The following DNM3 variants were observed in gnomAD, a reference collection of about 807,000 sequenced individuals.
DNM3 encodes the protein dynamin-3.
Under a neutral mutation model 101.6 loss-of-function variants are expected in DNM3, and 47 were observed. That is an observed-to-expected ratio of 0.46 (90% CI 0.37 to 0.59). The LOEUF (loss-of-function observed/expected upper bound fraction) is 0.59. DNM3 is among the 20% of genes least tolerant of loss of function. DNM3 has a pLI of 0.00. For missense variants in DNM3, 849 were observed against 1,085.7 expected, an observed-to-expected ratio of 0.78 and a Z score of 3.06; for synonymous variants, 385 against 387.9, an observed-to-expected ratio of 0.99 and a Z score of 0.09.
chr1:172,055,815 A>T (rs1370635012), intron 10 of DNM3, among the ~76,000 whole-genome samples: 1 of 152,178 alleles, frequency 6.6e-6, no homozygotes, highest in African/African-American at 2.4e-5. Context: ...CACTGTATGA[A>T]AATACTTGCA....
intron 17 of DNM3, chr1:172,366,741 C>A (rs183465528): frequency 6.6e-6 from 1 of 151,458 alleles, no homozygotes; most frequent in African/African-American, 2.4e-5. Flanking sequence ...ATAAAAAATA[C>A]AATTGAGAGA....
intron 14 of DNM3, among the ~76,000 whole-genome samples, chr1:172,202,938 T>C (rs74865866): frequency 5.0e-4 from 76 of 152,248 alleles, no homozygotes; most frequent in Middle Eastern, 3.4e-3. Context: ...AAGGAAGTAT[T>C]ACTAGAATTA....
At chr1:171,850,763 CTTTG>C (rs905238366) in intron 1 of DNM3, among the ~76,000 whole-genome samples, 1 of 146,224 alleles carries the variant, frequency 6.8e-6, no homozygotes, top group Non-Finnish European at 1.5e-5. Context: ...TCTCTTAGGG[CTTTG>C]TTTTTTTTTT....
intron 17 of DNM3, among the ~76,000 whole-genome samples, chr1:172,365,956 A>G (rs1037077345): frequency 4.6e-5 from 7 of 151,996 alleles, no homozygotes; most frequent in Admixed American, 3.9e-4. Context: ...AGTGCCAGAT[A>G]AAGTGGCTAA....
downstream of DNM3, among the ~76,000 whole-genome samples, chr1:172,413,461 T>A (rs1014690457): frequency 1.3e-5 from 2 of 152,176 alleles, no homozygotes; most frequent in Non-Finnish European, 2.9e-5. Context: ...TCTCTTGACC[T>A]CGTGATCTGC....
At chr1:172,038,638 T>C (rs149807100) in intron 7 of DNM3, among the ~76,000 whole-genome samples, 177 bp downstream of exon 7, 1 of 152,312 alleles carries the variant, frequency 6.6e-6, no homozygotes, top group East Asian at 1.9e-4. Context: ...ATTATTGGTA[T>C]TATTCTGTTA....
intron 1 of DNM3, among the ~76,000 whole-genome samples, chr1:171,901,312 A>AGAC (rs1438412643): frequency 6.6e-6 from 1 of 152,096 alleles, no homozygotes; most frequent in African/African-American, 2.4e-5. Flanking sequence ...TCCCGAAAGA[A>AGAC]GACAGCACGG....
chr1:172,291,946 A>G (rs902329552), intron 15 of DNM3, among the ~76,000 whole-genome samples: 1 of 152,236 alleles, frequency 6.6e-6, no homozygotes, highest in Non-Finnish European at 1.5e-5. Flanking sequence ...GGATTCAGAC[A>G]TCTGAGCAAA....
intron 14 of DNM3, among the ~76,000 whole-genome samples, chr1:172,184,910 AC>A (rs1208356902): frequency 2.6e-5 from 4 of 152,096 alleles, no homozygotes; most frequent in African/African-American, 9.7e-5. Context: ...TCTTTTGCAC[AC>A]CCTATACCAT....
At chr1:172,291,866 AT>A (rs1178989160) in intron 15 of DNM3, among the ~76,000 whole-genome samples, 1 of 152,230 alleles carries the variant, frequency 6.6e-6, no homozygotes, top group Non-Finnish European at 1.5e-5. Flanking sequence ...ACATAGGACT[AT>A]GATGTTAGTC....
At chr1:171,909,896 A>C (rs1204816883) in intron 1 of DNM3, among the ~76,000 whole-genome samples, 1 of 152,166 alleles carries the variant, frequency 6.6e-6, no homozygotes, top group Non-Finnish European at 1.5e-5. Flanking sequence ...AGCTCTTTTC[A>C]CTGGTGCTTT....
intron 15 of DNM3, among the ~76,000 whole-genome samples, chr1:172,298,467 A>T (rs756087252): frequency 6.6e-6 from 1 of 152,162 alleles, no homozygotes; most frequent in Non-Finnish European, 1.5e-5. Context: ...TTAGGACCAG[A>T]GAGTCAGGCC....
chr1:172,236,326 A>G (rs1316061197), intron 14 of DNM3, among the ~76,000 whole-genome samples: 4 of 152,130 alleles, frequency 2.6e-5, no homozygotes, highest in Admixed American at 6.6e-5. Flanking sequence ...AAAATAATGT[A>G]GTACGATGTT....
At chr1:172,383,726 G>C (rs916249490) in intron 18 of DNM3, among the ~76,000 whole-genome samples, 1 of 152,110 alleles carries the variant, frequency 6.6e-6, no homozygotes, top group African/African-American at 2.4e-5. Context: ...GCTAGAGAAG[G>C]GTTAAAGTAA....
chr1:171,893,121 C>G (rs1212029421), intron 1 of DNM3, among the ~76,000 whole-genome samples: 1 of 152,158 alleles, frequency 6.6e-6, no homozygotes, highest in Admixed American at 6.5e-5. Flanking sequence ...TCCCCTTACC[C>G]CTTCAGTGAG....
At chr1:171,882,148 A>T (rs1259292532) in intron 1 of DNM3, among the ~76,000 whole-genome samples, 1 of 152,020 alleles carries the variant, frequency 6.6e-6, no homozygotes. Flanking sequence ...GGAGTTCGAG[A>T]CCAGCCTCAA....
downstream of DNM3, among the ~76,000 whole-genome samples, chr1:172,417,019 C>A (rs2071451089): frequency 6.6e-6 from 1 of 152,086 alleles, no homozygotes; most frequent in South Asian, 2.1e-4. Flanking sequence ...CAGAAATACA[C>A]CAGTCAGTTT....
chr1:171,920,843 C>T (rs1199530233), intron 1 of DNM3, among the ~76,000 whole-genome samples: 1 of 152,178 alleles, frequency 6.6e-6, no homozygotes, highest in African/African-American at 2.4e-5. Flanking sequence ...GGAATGAGAA[C>T]AAACAAAACT....
At chr1:172,158,564 A>G (rs985912732) in intron 14 of DNM3, among the ~76,000 whole-genome samples, 3 of 151,902 alleles carry the variant, frequency 2.0e-5, no homozygotes, top group African/African-American at 7.3e-5. Context: ...GAGATGGATG[A>G]TGGAGGCCTT....
Sources: gnomAD v4.1 joint callset for allele counts (sites outside exome capture counted in the v4.1 genomes callset) on GRCh38, gnomAD v4.1.1 for gene constraint, MANE v1.5 for transcripts, NCBI Gene and HGNC (gene_info 2026-07-23, HGNC 2026-07-21) for gene names.